GRIA2: variants seen among roughly 807,000 people sequenced by gnomAD.
The protein encoded by GRIA2 is glutamate receptor 2.
In GRIA2, 14 loss-of-function variants were observed where a neutral mutation model predicts 97.3. The ratio of observed to expected loss-of-function variants is 0.14; its 90% CI spans 0.10 to 0.23. GRIA2 has a LOEUF of 0.23. GRIA2 is among the 10% of genes least tolerant of loss of function. The pLI is 1.00. For synonymous variants in GRIA2, 412 were observed against 387.8 expected, an observed-to-expected ratio of 1.06 and a Z score of -0.73; for missense variants, 558 against 1,069.8, an observed-to-expected ratio of 0.52 and a Z score of 6.67.
chr4:157,223,964 G>A (rs1281250734), intron 2 of GRIA2, among the ~76,000 whole-genome samples: 2 of 152,102 alleles, frequency 1.3e-5, no homozygotes, highest in African/African-American at 4.8e-5. Flanking sequence ...TTTTTAAATA[G>A]AAATTTTTCT....
intron 2 of GRIA2, among the ~76,000 whole-genome samples, chr4:157,296,337 C>T (rs979308762): frequency 6.6e-6 from 1 of 152,046 alleles, no homozygotes; most frequent in African/African-American, 2.4e-5. Context: ...CCACTATCAA[C>T]GGAAATGAAA....
chr4:157,356,450 G>T (rs1029013557), intron 12 of GRIA2, among the ~76,000 whole-genome samples: 1 of 151,868 alleles, frequency 6.6e-6, no homozygotes, highest in African/African-American at 2.4e-5. Flanking sequence ...TTTTAAAAGT[G>T]TGTATGGCTT....
intron 12 of GRIA2, among the ~76,000 whole-genome samples, chr4:157,345,392 G>A (rs1417219768): frequency 6.6e-6 from 1 of 151,912 alleles, no homozygotes; most frequent in Non-Finnish European, 1.5e-5. Flanking sequence ...GAATGATAAA[G>A]TCTGAATCAT....
At chr4:157,297,740 T>C (rs2126851909) in intron 2 of GRIA2, among the ~76,000 whole-genome samples, 1 of 152,236 alleles carries the variant, frequency 6.6e-6, no homozygotes, top group East Asian at 1.9e-4. Flanking sequence ...AAGTAATATG[T>C]GTTTAGATAT....
At chr4:157,342,366 GA>G in intron 12 of GRIA2, 2 of 985,132 alleles carry the variant, frequency 2.0e-6, no homozygotes, top group Non-Finnish European at 2.4e-6. Context: ...TTCAGCTGAA[GA>G]TACTATGGGA....
intron 5 of GRIA2, among the ~76,000 whole-genome samples, chr4:157,318,459 T>C (rs2126898638): frequency 6.6e-6 from 1 of 152,302 alleles, no homozygotes; most frequent in South Asian, 2.1e-4. Context: ...TTATGATTCC[T>C]GTCAAAATAA....
intron 12 of GRIA2, among the ~76,000 whole-genome samples, chr4:157,356,824 C>T (rs1460977971): frequency 6.6e-6 from 1 of 151,620 alleles, no homozygotes; most frequent in Non-Finnish European, 1.5e-5. Flanking sequence ...TTGTAGTGTG[C>T]TCCCCAGTGC....
chr4:157,221,861 T>C lies in GRIA2; in HGVS notation c.229+54T>C, dbSNP rs558802212. ...GTGCTGCACGCGGAAGGCCAGCGAG[T>C]GTGAGTGTGTGTGTGCGTTTCTGGG... On this transcript the variant is annotated intron_variant, in intron 2 of 15. Coordinates refer to ENST00000264426, the MANE Select transcript of GRIA2 (RefSeq NM_001083619.3). The C allele has an allele frequency of 1.8e-5, 28 of 1,520,608 alleles. No individual in the cohort carries two copies. In the South Asian group the frequency reaches 2.6e-4, roughly 14 times the overall value. 94.2% of individuals were successfully genotyped at this position (1,520,608 alleles called of 1,614,324 possible).
chr4:157,353,135 CT>C (rs1366513565), intron 12 of GRIA2, among the ~76,000 whole-genome samples: 1 of 147,968 alleles, frequency 6.8e-6, no homozygotes, highest in East Asian at 2.1e-4. Context: ...GGTGGATCAC[CT>C]GAGGTCGGGA....
chr4:157,333,444 G>C (rs963159644), intron 8 of GRIA2, 91 bp downstream of exon 8: 1 of 584,486 alleles, frequency 1.7e-6, no homozygotes, highest in Non-Finnish European at 3.0e-6. Flanking sequence ...CTGGAGATGT[G>C]TATTCACATA....
intron 2 of GRIA2, among the ~76,000 whole-genome samples, chr4:157,256,303 A>T (rs1276828382): frequency 7.2e-6 from 1 of 138,016 alleles, no homozygotes; most frequent in African/African-American, 2.6e-5. Context: ...TATATATAAT[A>T]TTATATATTA....
intron 2 of GRIA2, among the ~76,000 whole-genome samples, chr4:157,262,093 A>G (rs1261967087): frequency 6.6e-6 from 1 of 151,982 alleles, no homozygotes; most frequent in Non-Finnish European, 1.5e-5. Context: ...AATGACCAAA[A>G]TTGTCTTTAA....
At chr4:157,250,922 C>A (rs1253641177) in intron 2 of GRIA2, among the ~76,000 whole-genome samples, 1 of 152,072 alleles carries the variant, frequency 6.6e-6, no homozygotes, top group African/African-American at 2.4e-5. Flanking sequence ...CATTCTCCAG[C>A]TATGCTTGCT....
chr4:157,271,582 T>C (rs1286011865), intron 2 of GRIA2, among the ~76,000 whole-genome samples: 2 of 152,094 alleles, frequency 1.3e-5, no homozygotes, highest in Non-Finnish European at 2.9e-5. Context: ...CATATTCCAC[T>C]ATCTAGAAGT....
chr4:157,363,349 A>G (rs982612223), intron 15 of GRIA2, 86 bp from the exon 16 acceptor site: 1 of 961,816 alleles, frequency 1.0e-6, no homozygotes, highest in Non-Finnish European at 1.4e-6. Flanking sequence ...AAACTTTTCA[A>G]AAACAACCCT....
chr4:157,222,500 G>T (rs556060261), intron 2 of GRIA2, among the ~76,000 whole-genome samples: 3 of 152,158 alleles, frequency 2.0e-5, no homozygotes, highest in Admixed American at 6.5e-5. Flanking sequence ...CGGTGGAAAG[G>T]GGGAGCGCTG....
chr4:157,285,744 T>C (rs1732813253), intron 2 of GRIA2, among the ~76,000 whole-genome samples: 1 of 151,564 alleles, frequency 6.6e-6, no homozygotes, highest in Non-Finnish European at 1.5e-5. Flanking sequence ...TAGTTGAAAG[T>C]GTCTCTGCTA....
At chr4:157,346,280 A>G (rs762203556) in intron 12 of GRIA2, among the ~76,000 whole-genome samples, 3 of 152,162 alleles carry the variant, frequency 2.0e-5, no homozygotes, top group Non-Finnish European at 4.4e-5. Context: ...CTATTTCATT[A>G]AAGTCACATT....
intron 11 of GRIA2, 82 bp downstream of exon 11, chr4:157,336,829 A>G (rs1735308228): frequency 7.6e-7 from 1 of 1,314,012 alleles, no homozygotes; most frequent in African/African-American, 1.5e-5. Context: ...ACCCTAAAGA[A>G]GTTACCAGCT....
Sources: gnomAD v4.1 joint callset for allele counts (sites outside exome capture counted in the v4.1 genomes callset) on GRCh38, gnomAD v4.1.1 for gene constraint, MANE v1.5 for transcripts, NCBI Gene and HGNC (gene_info 2026-07-23, HGNC 2026-07-21) for gene names.